Variants in IGBP1 observed in about 807,000 individuals in gnomAD.
IGBP1 encodes immunoglobulin binding protein 1.
IGBP1 carries 2 observed loss-of-function variants against 25.9 expected under a neutral mutation model. The ratio of observed to expected loss-of-function variants is 0.08; its 90% CI spans 0.03 to 0.24. The LOEUF (loss-of-function observed/expected upper bound fraction) is 0.24. Ranked by LOEUF, IGBP1 falls within the 10% of genes least tolerant of loss-of-function variation. The pLI is 1.00. For missense variants in IGBP1, 187 were observed against 260.4 expected (o/e 0.72, Z 1.94); for synonymous variants, 96 against 93.4 (o/e 1.03, Z -0.16).
At position 70,139,612 on chromosome X, in the gene IGBP1, A is replaced by G. The variant is rs1339873928; in HGVS notation, c.482+4796A>G. On this transcript the variant is annotated intron_variant, in intron 3 of 6. Transcript: ENST00000356413. Reference sequence around the variant, plus strand: ...CCAAATGTGCCTCCTCACCCATCTCAGTAAGTGTACCACCATTGACTTAGG... The same window carrying G: ...CCAAATGTGCCTCCTCACCCATCTCGGTAAGTGTACCACCATTGACTTAGG... Among the ~76,000 whole-genome samples, 7 of 111,497 alleles carry G rather than the reference A, an allele frequency of 6.3e-5. No individual in the cohort carries two copies. The Admixed American group carries it at 6.7e-4, about 11-fold the overall frequency.
rs2085186013 is a variant in IGBP1, at chrX:70,149,117, A to G, written c.758+277A>G. 1.7e-5 allele frequency: 5 copies of G among 302,499 alleles called. No homozygotes were observed. In the South Asian group the frequency reaches 2.0e-4, roughly 12 times the overall value. 24.9% of individuals were successfully genotyped at this position (302,499 alleles called of 1,213,427 possible). Reference sequence around the variant, plus strand: ...ATGGCACATGCCTGTAATCCCGGCTACTGGGGAGGCTGAGGCAGGAGAATC... The same window carrying G: ...ATGGCACATGCCTGTAATCCCGGCTGCTGGGGAGGCTGAGGCAGGAGAATC... On this transcript the variant is annotated intron_variant, in intron 5 of 6. Transcript: ENST00000356413.
At chrX:70,160,236 G>A (rs1237866017) in intron 6 of IGBP1, among the ~76,000 whole-genome samples, 3 of 111,110 alleles carry the variant, frequency 2.7e-5, no homozygotes, top group East Asian at 2.8e-4. Context: ...CGAGCGCCAC[G>A]GTCACTTGAT....
chrX:70,141,486 T>C (rs1215105554), intron 3 of IGBP1, among the ~76,000 whole-genome samples: 1 of 111,997 alleles, frequency 8.9e-6, no homozygotes, highest in Admixed American at 9.5e-5. Context: ...ATGTTACTTA[T>C]CACAGTATAA....
At chrX:70,138,833 A>G (rs2085113038) in intron 3 of IGBP1, among the ~76,000 whole-genome samples, 1 of 112,030 alleles carries the variant, frequency 8.9e-6, no homozygotes, top group African/African-American at 3.2e-5. Flanking sequence ...GTTTTTTGCT[A>G]TTCTGAGTAA....
At chrX:70,159,221 A>G (rs1339733491) in intron 6 of IGBP1, among the ~76,000 whole-genome samples, 1 of 111,916 alleles carries the variant, frequency 8.9e-6, no homozygotes, top group East Asian at 2.8e-4. Context: ...TTACTATGGT[A>G]AAAGGAAGGA....
Position 70,152,509 on chromosome X carries a change from A to G in IGBP1, c.871+2187A>G, listed in dbSNP as rs141034728. ...GAAAATGTGACTCATAACTCAAAAGAAAAGGCAATCAATGGATACCAACCC... is the reference window on the plus strand; with the variant it reads ...GAAAATGTGACTCATAACTCAAAAGGAAAGGCAATCAATGGATACCAACCC... On this transcript the variant is annotated intron_variant, in intron 6 of 6. Transcript: ENST00000356413. Among the ~76,000 whole-genome samples the G allele has an allele frequency of 2.9e-3, 321 of 112,390 alleles. 2 individuals are homozygous for G. Among genetic ancestry groups the G allele is most frequent in the African/African-American group, 9.9e-3 (305 of 30,963 alleles).
chrX:70,159,537 T>G (rs2085259891), intron 6 of IGBP1, among the ~76,000 whole-genome samples: 1 of 110,932 alleles, frequency 9.0e-6, no homozygotes, highest in Admixed American at 9.6e-5. Flanking sequence ...CTTCTTGAAC[T>G]GCTGCGGGAC....
intron 6 of IGBP1, among the ~76,000 whole-genome samples, chrX:70,159,153 C>T (rs942037607): frequency 1.8e-5 from 2 of 111,251 alleles, no homozygotes; most frequent in African/African-American, 6.5e-5. Flanking sequence ...TGAATCATTT[C>T]AGAAATATAG....
At chrX:70,148,572 C>T (rs1429593125) in intron 4 of IGBP1, 189 bp from the exon 5 acceptor site, 1 of 434,828 alleles carries the variant, frequency 2.3e-6, no homozygotes, top group African/African-American at 2.5e-5. Context: ...TTGCAAGGTA[C>T]TCAGGCCCCC....
At chrX:70,159,892 G>C (rs78020139) in intron 6 of IGBP1, among the ~76,000 whole-genome samples, 1 of 111,759 alleles carries the variant, frequency 8.9e-6, no homozygotes, top group East Asian at 2.8e-4. Flanking sequence ...TGGGCTCCAG[G>C]GGGTGGGATG....
chrX:70,160,230 C>T (rs948040800), intron 6 of IGBP1, among the ~76,000 whole-genome samples: 7 of 111,068 alleles, frequency 6.3e-5, no homozygotes, highest in African/African-American at 2.0e-4. Context: ...AGGGCTCGAG[C>T]GCCACGGTCA....
intron 6 of IGBP1, among the ~76,000 whole-genome samples, chrX:70,153,859 A>G (rs796605999): frequency 9.0e-6 from 1 of 111,062 alleles, no homozygotes; most frequent in Admixed American, 9.6e-5. Flanking sequence ...TCCGCTCCCC[A>G]AAGTGAATGA....
intron 6 of IGBP1, among the ~76,000 whole-genome samples, chrX:70,152,217 C>G (rs2085207626): frequency 9.0e-6 from 1 of 111,207 alleles, no homozygotes; most frequent in Admixed American, 9.6e-5. Flanking sequence ...ATAAACCCTA[C>G]TGAAATCTCT....
chrX:70,166,229 A>G lies in IGBP1; in HGVS notation c.*248A>G. ...ATTCCAGCTTCTTAAGTGGAAGGAA[A>G]AGAGTGCTGAGAAATGGCTCTGTAT... On this transcript the variant is annotated 3_prime_UTR_variant, in exon 7 of 7. Coordinates refer to ENST00000356413, the MANE Select transcript of IGBP1 (RefSeq NM_001551.3). 1 of 365,775 alleles carries G rather than the reference A, an allele frequency of 2.7e-6. No individual in the cohort carries two copies. 30.1% of individuals were successfully genotyped at this position (365,775 alleles called of 1,213,427 possible). A position where few individuals can be genotyped will look rare whatever the true frequency, so the allele number is the denominator to read the frequency against.
intron 6 of IGBP1, among the ~76,000 whole-genome samples, chrX:70,160,623 G>T (rs1569424979): frequency 8.9e-6 from 1 of 112,481 alleles, no homozygotes; most frequent in East Asian, 2.8e-4. Flanking sequence ...GACAGCCAAA[G>T]TGTTGAGAGA....
chrX:70,164,233 T>A (rs1027846573), intron 6 of IGBP1: 14 of 111,138 alleles, frequency 1.3e-4, no homozygotes, highest in Non-Finnish European at 5.7e-5. Flanking sequence ...AGCAAGACTG[T>A]CTCAACAACA....
At chrX:70,140,581 A>AGGATCTGAG (rs1053945085) in intron 3 of IGBP1, among the ~76,000 whole-genome samples, 4 of 112,549 alleles carry the variant, frequency 3.6e-5, no homozygotes, top group African/African-American at 1.3e-4. Flanking sequence ...CAAATTACTC[A>AGGATCTGAG]GATCCTTATT....
At chrX:70,151,893 A>G (rs2085205640) in intron 6 of IGBP1, among the ~76,000 whole-genome samples, 1 of 111,288 alleles carries the variant, frequency 9.0e-6, no homozygotes, top group Admixed American at 9.6e-5. Flanking sequence ...AATAAATAAA[A>G]TGAGGAAGTA....
chrX:70,151,701 A>T (rs1039922301), intron 6 of IGBP1, among the ~76,000 whole-genome samples: 11 of 110,862 alleles, frequency 9.9e-5, no homozygotes, highest in African/African-American at 3.6e-4. Flanking sequence ...AATATGGCGA[A>T]ACCCCGTCGC....
Sources: gnomAD v4.1 joint callset for allele counts (sites outside exome capture counted in the v4.1 genomes callset) on GRCh38, gnomAD v4.1.1 for gene constraint, MANE v1.5 for transcripts, NCBI Gene and HGNC (gene_info 2026-07-23, HGNC 2026-07-21) for gene names.